The following OR1J2 variants were observed in gnomAD, a reference collection of about 807,000 sequenced individuals.
OR1J2 encodes olfactory receptor 1J2.
For synonymous variants in OR1J2, 142 were observed against 99.7 expected, an observed-to-expected ratio of 1.42 and a Z score of -2.52; for missense variants, 304 against 246.1, an observed-to-expected ratio of 1.24 and a Z score of -1.57.
the OR1J2 span, among the ~76,000 whole-genome samples, chr9:122,533,021 A>G: frequency 6.6e-6 from 1 of 152,102 alleles, no homozygotes; most frequent in Non-Finnish European, 1.5e-5. Context: ...AGTACAGCCC[A>G]GGTAATTTGC....
the OR1J2 span, among the ~76,000 whole-genome samples, chr9:122,523,981 C>T: frequency 6.6e-6 from 1 of 152,112 alleles, no homozygotes; most frequent in Non-Finnish European, 1.5e-5. Context: ...TTAATGCTAA[C>T]ATCACATTAA....
chr9:122,464,094 C>A, the OR1J2 span, among the ~76,000 whole-genome samples: 1 of 152,196 alleles, frequency 6.6e-6, no homozygotes, highest in Non-Finnish European at 1.5e-5. Context: ...AGCTCAGGCT[C>A]GCCTTTGGTG....
chr9:122,490,145 G>T, the OR1J2 span, among the ~76,000 whole-genome samples: 1 of 152,176 alleles, frequency 6.6e-6, no homozygotes, highest in African/African-American at 2.4e-5. Context: ...GCTGAAGCAG[G>T]ATTGTACTGG....
At chr9:122,537,913 T>C in the OR1J2 span, among the ~76,000 whole-genome samples, 13 of 152,336 alleles carry the variant, frequency 8.5e-5, no homozygotes, top group African/African-American at 3.1e-4. Flanking sequence ...AAGAAAGTGA[T>C]GAGGGCTGGG....
the OR1J2 span, among the ~76,000 whole-genome samples, chr9:122,551,531 G>A: frequency 2.6e-5 from 4 of 152,160 alleles, no homozygotes; most frequent in South Asian, 2.1e-4. Flanking sequence ...TTTTACCTAG[G>A]ACATGGGACA....
chr9:122,559,306 AT>A, the OR1J2 span, among the ~76,000 whole-genome samples: 1,162 of 150,818 alleles, frequency 7.7e-3, 17 homozygotes, highest in African/African-American at 0.027. Flanking sequence ...ATTTATTTTT[AT>A]TTTTTTTTAT....
chr9:122,519,868 C>G, the OR1J2 span: 5 of 1,614,064 alleles, frequency 3.1e-6, no homozygotes, highest in African/African-American at 4.0e-5. Flanking sequence ...ACCTGTGGCT[C>G]TCACCTCTCT....
the OR1J2 span, among the ~76,000 whole-genome samples, chr9:122,460,679 T>C: frequency 2.0e-5 from 3 of 152,194 alleles, no homozygotes; most frequent in Non-Finnish European, 4.4e-5. Flanking sequence ...GGAAATTGCA[T>C]TGAATTTGTA....
the OR1J2 span, among the ~76,000 whole-genome samples, chr9:122,461,884 A>G: frequency 2.6e-5 from 4 of 152,154 alleles, no homozygotes; most frequent in African/African-American, 9.7e-5. Flanking sequence ...AATAGAATAT[A>G]TATTCTGCAG....
the OR1J2 span, among the ~76,000 whole-genome samples, chr9:122,525,219 C>T: frequency 7.4e-4 from 113 of 152,216 alleles, no homozygotes; most frequent in African/African-American, 1.8e-3. Context: ...GGAATCCTCG[C>T]GTACTAAGAT....
At chr9:122,519,976 C>G in the OR1J2 span, 1 of 1,614,060 alleles carries the variant, frequency 6.2e-7, no homozygotes, top group Non-Finnish European at 8.5e-7. Context: ...GTGATGTACA[C>G]GGTGATCACC....
At chr9:122,572,704 T>C in the OR1J2 span, 2 of 152,160 alleles carry the variant, frequency 1.3e-5, no homozygotes, top group Non-Finnish European at 2.9e-5. Context: ...TCATGAAATA[T>C]TTGAAACTTT....
At chr9:122,562,419 T>C in the OR1J2 span, among the ~76,000 whole-genome samples, 1 of 152,316 alleles carries the variant, frequency 6.6e-6, no homozygotes, top group African/African-American at 2.4e-5. Context: ...TCTGCGTAGC[T>C]CTGTTGTTGG....
At chr9:122,527,028 G>T in the OR1J2 span, 1 of 1,614,190 alleles carries the variant, frequency 6.2e-7, no homozygotes, top group Admixed American at 1.7e-5. Context: ...ATAGGAGATG[G>T]TGTGATGCCG....
the OR1J2 span, among the ~76,000 whole-genome samples, chr9:122,535,909 GTGT>G: frequency 9.9e-5 from 15 of 152,128 alleles, no homozygotes; most frequent in Non-Finnish European, 1.6e-4. Context: ...GGAAAAAGGG[GTGT>G]TGTTCTCTGG....
chr9:122,507,922 A>T (rs985907906), upstream of OR1J2, among the ~76,000 whole-genome samples: 2 of 152,166 alleles, frequency 1.3e-5, no homozygotes, highest in Non-Finnish European at 2.9e-5. Context: ...CTTATGGGGT[A>T]TAATTGCATC....
chr9:122,507,968 G>A (rs1828558164), upstream of OR1J2, among the ~76,000 whole-genome samples: 1 of 152,106 alleles, frequency 6.6e-6, no homozygotes, highest in Non-Finnish European at 1.5e-5. Context: ...AGATTCGCAA[G>A]AGTTAAGAGA....
At chr9:122,481,020 T>A in the OR1J2 span, among the ~76,000 whole-genome samples, 2 of 152,100 alleles carry the variant, frequency 1.3e-5, no homozygotes, top group Non-Finnish European at 2.9e-5. Flanking sequence ...GGTCTTGATC[T>A]CTTGACCTTG....
At chr9:122,538,769 C>T in the OR1J2 span, among the ~76,000 whole-genome samples, 2 of 152,130 alleles carry the variant, frequency 1.3e-5, no homozygotes, top group Admixed American at 6.5e-5. Context: ...TCCTAAGTGA[C>T]ATAATTCAGA....
Sources: gnomAD v4.1 joint callset for allele counts (sites outside exome capture counted in the v4.1 genomes callset) on GRCh38, gnomAD v4.1.1 for gene constraint, MANE v1.5 for transcripts, NCBI Gene and HGNC (gene_info 2026-07-23, HGNC 2026-07-21) for gene names.